Variants in CSMD2 observed in about 807,000 individuals in gnomAD.
CSMD2 encodes the protein CUB and Sushi multiple domains 2.
A neutral mutation model predicts 398.5 loss-of-function variants in CSMD2; 130 were observed. That is an observed-to-expected ratio of 0.33 (90% confidence interval 0.28 to 0.38). The LOEUF (loss-of-function observed/expected upper bound fraction) is 0.38. Ranked by LOEUF, CSMD2 falls within the 10% of genes least tolerant of loss-of-function variation. The pLI, the probability that CSMD2 is intolerant of heterozygous loss-of-function variation, is 1.00. For missense variants in CSMD2, 3,829 were observed against 4,764.9 expected (o/e 0.80, Z 5.78); for synonymous variants, 1,828 against 1,908.5 (o/e 0.96, Z 1.10).
chr1:33,849,734 G>C (rs1196710608), intron 5 of CSMD2, among the ~76,000 whole-genome samples: 1 of 151,526 alleles, frequency 6.6e-6, no homozygotes, highest in Non-Finnish European at 1.5e-5. Context: ...TTGGAGACCA[G>C]CCTGGGCAAG....
chr1:33,861,687 T>A (rs781584986), intron 5 of CSMD2, among the ~76,000 whole-genome samples: 1 of 152,094 alleles, frequency 6.6e-6, no homozygotes, highest in African/African-American at 2.4e-5. Flanking sequence ...CCACTCAAAT[T>A]AAAATGATTG....
chr1:33,623,384 A>G lies in CSMD2; in HGVS notation c.5708T>C (p.Leu1903Pro). 1 of 1,614,162 alleles carries G rather than the reference A, an allele frequency of 6.2e-7. No homozygotes were observed. The highest frequency in any genetic ancestry group is 8.5e-7 in the Non-Finnish European group (1 of 1,179,984). The change falls in exon 36 of 71, where the codon CTG becomes CCG. Residue 1903 changes from leucine (L) to proline (P), a missense_variant. Physicochemically the swap from Leu to Pro is moderately conservative, Grantham distance 98 (BLOSUM62 -3). Around this residue, in one of 5 missense-constraint regions of CSMD2, gnomAD observed 2,001 missense variants for 2,567.1 expected, o/e 0.78. Coordinates refer to ENST00000373381, the MANE Select transcript of CSMD2 (RefSeq NM_001281956.2). The part of the protein sequence containing the change: ...FDGADNTVTM[L>P]GSFSGTTVPA... Reference sequence around the variant, plus strand: ...ACCCAGCTTACCTGAGAAACTCCCCAGCATGGTTACAGTGTTATCTGCACC... The same window carrying G: ...ACCCAGCTTACCTGAGAAACTCCCCGGCATGGTTACAGTGTTATCTGCACC...
intron 13 of CSMD2, among the ~76,000 whole-genome samples, chr1:33,767,112 T>C (rs1483225037): frequency 2.0e-5 from 3 of 152,206 alleles, no homozygotes; most frequent in Admixed American, 1.3e-4. Context: ...TAAGTCATGG[T>C]TTATTCACTT....
intron 32 of CSMD2, among the ~76,000 whole-genome samples, chr1:33,628,408 T>G (rs931975310): frequency 6.6e-6 from 1 of 152,038 alleles, no homozygotes; most frequent in Non-Finnish European, 1.5e-5. Context: ...GTAGCTCACA[T>G]CTGTGATCCC....
intron 5 of CSMD2, chr1:33,864,658 A>T (rs1005321301): frequency 6.2e-7 from 1 of 1,613,994 alleles, no homozygotes; most frequent in Non-Finnish European, 8.5e-7. Context: ...TACTTCGAGG[A>T]ACTTGAACTC....
At chr1:33,623,752 CACTG>C (rs1557638535) in intron 35 of CSMD2, among the ~76,000 whole-genome samples, 3 of 152,344 alleles carry the variant, frequency 2.0e-5, no homozygotes, top group Non-Finnish European at 2.9e-5. Context: ...AAGACAGTCT[CACTG>C]ACTGTCTCCT....
At chr1:34,091,240 G>A (rs1658520322) in intron 1 of CSMD2, among the ~76,000 whole-genome samples, 1 of 152,140 alleles carries the variant, frequency 6.6e-6, no homozygotes, top group Non-Finnish European at 1.5e-5. Context: ...TTGAATCCAT[G>A]TCCCAAGCTC....
intron 44 of CSMD2, among the ~76,000 whole-genome samples, chr1:33,593,239 A>G (rs1330618325): frequency 1.3e-5 from 2 of 152,240 alleles, no homozygotes; most frequent in Non-Finnish European, 2.9e-5. Context: ...TTTGCCCAAT[A>G]TAATCTCTGG....
chr1:33,605,177 A>C, intron 42 of CSMD2, 105 bp downstream of exon 42: 1 of 1,122,636 alleles, frequency 8.9e-7, no homozygotes, highest in Non-Finnish European at 1.3e-6. Context: ...CTGGACCTCC[A>C]GCCCTGGAGA....
chr1:33,875,605 T>A (rs1423995726), intron 5 of CSMD2: 1 of 152,188 alleles, frequency 6.6e-6, no homozygotes, highest in Non-Finnish European at 1.5e-5. Context: ...AAGAAATAAT[T>A]CACTGTAGGA....
intron 12 of CSMD2, among the ~76,000 whole-genome samples, chr1:33,785,904 A>G (rs1653482199): frequency 6.6e-6 from 1 of 152,162 alleles, no homozygotes; most frequent in Non-Finnish European, 1.5e-5. Flanking sequence ...AAATCTCCCA[A>G]GTCCACTTCT....
In CSMD2 at chr1:33,605,428, T is replaced by C. The variant is rs141760169; in HGVS notation, c.6386A>G (p.Asn2129Ser). The change falls in exon 42 of 71, where the codon AAT becomes AGT. Residue 2129 changes from asparagine (N) to serine (S), a missense_variant. Physicochemically the swap from Asn to Ser is conservative, Grantham distance 46. Around this residue, in one of 5 missense-constraint regions of CSMD2, gnomAD observed 2,001 missense variants for 2,567.1 expected, o/e 0.78. Coordinates refer to ENST00000373381, the MANE Select transcript of CSMD2 (RefSeq NM_001281956.2). ...QECPDPEPFA[N>S]GIVRGAGYNV... ...GTAGCCAGCTCCCCTCACAATGCCA[T>C]TGGCAAAGGGCTCTGGGTCTGGGCA... 6.8e-6 allele frequency: 11 copies of C among 1,614,146 alleles called. No homozygotes were observed. The highest frequency in any genetic ancestry group is 2.2e-5 in the East Asian group (1 of 44,864).
chr1:33,947,369 G>A (rs1644870921), intron 3 of CSMD2, among the ~76,000 whole-genome samples: 2 of 152,086 alleles, frequency 1.3e-5, no homozygotes, highest in Admixed American at 1.3e-4. Flanking sequence ...TTGCCTTGAG[G>A]ACCTGCATTA....
intron 2 of CSMD2, among the ~76,000 whole-genome samples, chr1:34,076,918 A>AAC (rs1656402655): frequency 9.4e-6 from 1 of 106,522 alleles, no homozygotes; most frequent in Non-Finnish European, 1.8e-5. Flanking sequence ...GCAAAAAAAA[A>AAC]AAAAAAAAAA....
chr1:33,670,437 T>C (rs1004467296), intron 25 of CSMD2, among the ~76,000 whole-genome samples: 6 of 152,226 alleles, frequency 3.9e-5, no homozygotes, highest in African/African-American at 1.4e-4. Flanking sequence ...TCTGTCACTC[T>C]ACAAGAGGCA....
chr1:33,651,180 G>A (rs966212817), intron 28 of CSMD2, among the ~76,000 whole-genome samples: 1 of 152,164 alleles, frequency 6.6e-6, no homozygotes, highest in Non-Finnish European at 1.5e-5. Context: ...GATGAGGGCA[G>A]TAATTTAGAT....
chr1:33,996,825 G>A (rs1232577754), intron 3 of CSMD2, among the ~76,000 whole-genome samples: 1 of 152,066 alleles, frequency 6.6e-6, no homozygotes, highest in African/African-American at 2.4e-5. Flanking sequence ...GGGGAAAGCA[G>A]AGAGAAAGGC....
At chr1:34,155,780 T>A (rs1640755790) in intron 1 of CSMD2, among the ~76,000 whole-genome samples, 1 of 152,222 alleles carries the variant, frequency 6.6e-6, no homozygotes, top group Admixed American at 6.5e-5. Flanking sequence ...AACTAGAAAC[T>A]TTTTTGGTCT....
chr1:33,798,079 T>C (rs1229003424), intron 10 of CSMD2, among the ~76,000 whole-genome samples: 2 of 152,202 alleles, frequency 1.3e-5, no homozygotes, highest in African/African-American at 4.8e-5. Context: ...ACTAGCACTC[T>C]CTTTTTTTCG....
Sources: allele counts gnomAD v4.1 joint callset (sites outside exome capture counted in the v4.1 genomes callset), GRCh38; gene constraint gnomAD v4.1.1; regional missense constraint gnomAD v4.1.1; transcripts MANE v1.5; gene names NCBI Gene and HGNC (gene_info 2026-07-23, HGNC 2026-07-21).